The following ARMH3 variants were observed in gnomAD, a reference collection of about 807,000 sequenced individuals.
ARMH3 encodes the protein armadillo like helical domain containing 3.
ARMH3 carries 60 observed loss-of-function variants against 99.1 expected under a neutral mutation model. The ratio of observed to expected loss-of-function variants is 0.61; its 90% CI spans 0.49 to 0.75. ARMH3 has a LOEUF of 0.75. Ranked by LOEUF, ARMH3 falls within the 30% of genes least tolerant of loss-of-function variation. The pLI is 0.00. For missense variants in ARMH3, 679 were observed against 843.1 expected (o/e 0.81, Z 2.41); for synonymous variants, 285 against 292.8 (o/e 0.97, Z 0.27).
intron 19 of ARMH3, among the ~76,000 whole-genome samples, chr10:101,985,245 C>CGT (rs538047956): frequency 6.1e-4 from 87 of 143,056 alleles, no homozygotes; most frequent in Non-Finnish European, 1.1e-3. Flanking sequence ...TGTATATATA[C>CGT]GTGTGTATAT....
chr10:101,926,344 T>C (rs964361284), intron 23 of ARMH3, among the ~76,000 whole-genome samples: 4 of 152,188 alleles, frequency 2.6e-5, no homozygotes, highest in South Asian at 4.1e-4. Context: ...TGTGCTACCA[T>C]GCCCAGCTAA....
At chr10:101,926,547 A>G (rs1450878260) in intron 23 of ARMH3, among the ~76,000 whole-genome samples, 1 of 152,188 alleles carries the variant, frequency 6.6e-6, no homozygotes, top group Non-Finnish European at 1.5e-5. Flanking sequence ...AGAGGGAAAA[A>G]TAAGGGATAA....
At chr10:101,987,585 T>C (rs1190149617) in intron 19 of ARMH3, among the ~76,000 whole-genome samples, 1 of 152,230 alleles carries the variant, frequency 6.6e-6, no homozygotes, top group African/African-American at 2.4e-5. Flanking sequence ...ATAGTCCCTT[T>C]CCACATTGCA....
At chr10:102,001,890 C>A in intron 15 of ARMH3, 81 bp downstream of exon 15, 1 of 1,294,868 alleles carries the variant, frequency 7.7e-7, no homozygotes. Flanking sequence ...GTCAAAGCTT[C>A]AAAATATTAA....
chr10:101,997,350 T>C (rs1200010797), intron 15 of ARMH3, among the ~76,000 whole-genome samples: 1 of 151,588 alleles, frequency 6.6e-6, no homozygotes, highest in Non-Finnish European at 1.5e-5. Flanking sequence ...TCCCAGCACT[T>C]TGGGAGGCCG....
In ARMH3 at chr10:101,957,692, A is replaced by G; in HGVS notation, c.1536T>C (p.Thr512=). 1 of 1,610,094 alleles carries G rather than the reference A, an allele frequency of 6.2e-7. No homozygotes were observed. Among genetic ancestry groups the G allele is most frequent in the East Asian group, 2.2e-5 (1 of 44,824 alleles). ...AAATGTTGTGTTTGGCCAAAAGTAC[A>G]GTCTCATTTGACATAAGGAACTTCA... is the stretch of plus-strand genomic sequence containing the variant. The part of the protein sequence containing the change: ...NLLKFLMSNE[T]VLLAKHNIFT... The change falls in exon 21 of 26, where the codon ACT becomes ACC. Residue 512 remains threonine, a synonymous_variant. Coordinates refer to ENST00000370033, the MANE Select transcript of ARMH3 (RefSeq NM_024541.3).
In ARMH3 at chr10:101,973,324, T is replaced by A. The variant is rs533360615; in HGVS notation, c.1495+1888A>T. Among the ~76,000 whole-genome samples the A allele has an allele frequency of 2.9e-5, 4 of 139,944 alleles. No individual in the cohort carries two copies. In the South Asian group the frequency reaches 8.9e-4, roughly 31 times the overall value. 91.8% of individuals were successfully genotyped at this position (139,944 alleles called of 152,430 possible). On this transcript the variant is annotated intron_variant, in intron 20 of 25. Coordinates refer to ENST00000370033, the MANE Select transcript of ARMH3 (RefSeq NM_024541.3). ...TTGCAGTGAACCGAGATCATGCCAC[T>A]GCTCCAGGCTGGGCGACAGAGCGAG...
chr10:101,856,821 C>T (rs1048867862), intron 24 of ARMH3, among the ~76,000 whole-genome samples: 1 of 152,128 alleles, frequency 6.6e-6, no homozygotes, highest in Admixed American at 6.5e-5. Flanking sequence ...AGAGCATCAC[C>T]AGGCCAAGTC....
At chr10:101,994,704 A>T (rs1372868771) in intron 16 of ARMH3, among the ~76,000 whole-genome samples, 1 of 151,688 alleles carries the variant, frequency 6.6e-6, no homozygotes, top group Non-Finnish European at 1.5e-5. Context: ...CCACCCCTTC[A>T]CCCCATCACA....
At chr10:101,945,636 T>C (rs970626996) in intron 22 of ARMH3, among the ~76,000 whole-genome samples, 4 of 151,606 alleles carry the variant, frequency 2.6e-5, no homozygotes, top group Non-Finnish European at 5.9e-5. Flanking sequence ...AAGAATCACT[T>C]GAACACAGGA....
At chr10:102,028,190 T>C (rs1348091195) in intron 5 of ARMH3, among the ~76,000 whole-genome samples, 1 of 152,232 alleles carries the variant, frequency 6.6e-6, no homozygotes, top group South Asian at 2.1e-4. Flanking sequence ...TCCTAAAATG[T>C]CAAATATAGA....
At chr10:101,941,102 T>C (rs1362230155) in intron 22 of ARMH3, among the ~76,000 whole-genome samples, 2 of 152,194 alleles carry the variant, frequency 1.3e-5, no homozygotes, top group South Asian at 2.1e-4. Context: ...ATTGCAGTCA[T>C]TCACACAAGT....
At chr10:101,969,926 C>T (rs1465616776) in intron 20 of ARMH3, among the ~76,000 whole-genome samples, 6 of 152,128 alleles carry the variant, frequency 3.9e-5, no homozygotes, top group Non-Finnish European at 7.4e-5. Flanking sequence ...GACTTATCAC[C>T]GGGATGTGGC....
rs200566471 is a variant in ARMH3, at chr10:101,852,798, C to G, written c.1861-2906G>C. On this transcript the variant is annotated intron_variant, in intron 24 of 25. Coordinates refer to ENST00000370033, the MANE Select transcript of ARMH3 (RefSeq NM_024541.3). ...AAAAGAAAAGAAAAAAATCCAGAAG[C>G]CTGGCTGGACTTATAGTGCCCATGA... Among the ~76,000 whole-genome samples, 17 of 151,740 alleles carry G rather than the reference C, an allele frequency of 1.1e-4. No individual in the cohort carries two copies. The East Asian group carries it at 2.3e-3, about 21-fold the overall frequency.
At chr10:102,033,971 T>C in intron 2 of ARMH3, among the ~76,000 whole-genome samples, 1 of 152,204 alleles carries the variant, frequency 6.6e-6, no homozygotes, top group Non-Finnish European at 1.5e-5. Context: ...TGGTACAGTG[T>C]TGTTTTCAAA....
At chr10:102,003,648 C>G (rs2066419147) in intron 14 of ARMH3, among the ~76,000 whole-genome samples, 1 of 152,186 alleles carries the variant, frequency 6.6e-6, no homozygotes, top group African/African-American at 2.4e-5. Context: ...ACTCAGTTGA[C>G]TTTGGGATAT....
intron 20 of ARMH3, among the ~76,000 whole-genome samples, chr10:101,974,211 C>A (rs1297337682): frequency 6.6e-6 from 1 of 152,176 alleles, no homozygotes; most frequent in Admixed American, 6.5e-5. Flanking sequence ...AACTAAAGAT[C>A]TCTACTTCCC....
intron 1 of ARMH3, among the ~76,000 whole-genome samples, chr10:102,047,225 A>T (rs1438970445): frequency 6.6e-6 from 1 of 151,896 alleles, no homozygotes; most frequent in Non-Finnish European, 1.5e-5. Context: ...AGGATTTTTA[A>T]TTTTTTTTCA....
At chr10:101,916,296 C>T (rs2135574951) in intron 23 of ARMH3, among the ~76,000 whole-genome samples, 1 of 151,982 alleles carries the variant, frequency 6.6e-6, no homozygotes, top group Admixed American at 6.5e-5. Context: ...TCAAAATAAC[C>T]CTCTCATCAG....
Sources: gnomAD v4.1 joint callset for allele counts (sites outside exome capture counted in the v4.1 genomes callset) on GRCh38, gnomAD v4.1.1 for gene constraint, MANE v1.5 for transcripts, NCBI Gene and HGNC (gene_info 2026-07-23, HGNC 2026-07-21) for gene names.